The following MACROD2 variants were observed in gnomAD, a reference collection of about 807,000 sequenced individuals.
The protein encoded by MACROD2 is mono-ADP ribosylhydrolase 2.
In MACROD2, 36 loss-of-function variants were observed where a neutral mutation model predicts 70.4. The ratio of observed to expected loss-of-function variants is 0.51; its 90% CI spans 0.39 to 0.68. The LOEUF (loss-of-function observed/expected upper bound fraction) is 0.68, where lower values mean the gene tolerates loss of function less well. MACROD2 is among the 30% of genes least tolerant of loss of function. The pLI is 0.00. For missense variants in MACROD2, 496 were observed against 538.4 expected (o/e 0.92, Z 0.78); for synonymous variants, 172 against 178.8 (o/e 0.96, Z 0.30).
chr20:14,587,013 A>G (rs911130828), intron 4 of MACROD2, among the ~76,000 whole-genome samples: 1 of 151,872 alleles, frequency 6.6e-6, no homozygotes, highest in Non-Finnish European at 1.5e-5. Flanking sequence ...AGTGTATTTT[A>G]TAATTTAATT....
intron 5 of MACROD2, among the ~76,000 whole-genome samples, chr20:14,949,775 G>A (rs1333521915): frequency 6.6e-6 from 1 of 152,148 alleles, no homozygotes; most frequent in Non-Finnish European, 1.5e-5. Flanking sequence ...GCACAAGACT[G>A]ATATAATGGG....
At chr20:15,604,172 G>C (rs2048862039) in intron 8 of MACROD2, among the ~76,000 whole-genome samples, 1 of 152,120 alleles carries the variant, frequency 6.6e-6, no homozygotes, top group African/African-American at 2.4e-5. Context: ...TATAGAAAGG[G>C]GAAATGGCCC....
chr20:14,502,640 TA>T (rs1202639947), intron 4 of MACROD2, among the ~76,000 whole-genome samples: 1 of 152,198 alleles, frequency 6.6e-6, no homozygotes, highest in Non-Finnish European at 1.5e-5. Flanking sequence ...TCATTATTAT[TA>T]ATATTATAGT....
intron 5 of MACROD2, among the ~76,000 whole-genome samples, chr20:14,841,083 T>C (rs915312217): frequency 6.6e-6 from 1 of 152,166 alleles, no homozygotes; most frequent in Admixed American, 6.5e-5. Context: ...TTTTTATTGC[T>C]TACACTCTAA....
intron 3 of MACROD2, among the ~76,000 whole-genome samples, chr20:14,144,428 T>C (rs886772422): frequency 1.3e-5 from 2 of 152,164 alleles, no homozygotes; most frequent in African/African-American, 4.8e-5. Flanking sequence ...CATAACCTGT[T>C]TCTGTTCATT....
intron 12 of MACROD2, among the ~76,000 whole-genome samples, chr20:15,938,633 A>T (rs1197869235): frequency 1.3e-5 from 2 of 152,116 alleles, no homozygotes; most frequent in Non-Finnish European, 2.9e-5. Context: ...AAACACAACA[A>T]TATTGAAATT....
At chr20:15,427,983 C>G (rs751297111) in intron 6 of MACROD2, among the ~76,000 whole-genome samples, 25 of 152,296 alleles carry the variant, frequency 1.6e-4, no homozygotes, top group Non-Finnish European at 1.0e-4. Context: ...CCACAATGCA[C>G]ATAGCCTCCA....
At chr20:16,009,159 G>C (rs1165351936) in intron 15 of MACROD2, among the ~76,000 whole-genome samples, 1 of 151,948 alleles carries the variant, frequency 6.6e-6, no homozygotes, top group Admixed American at 6.6e-5. Context: ...AAATGAACCT[G>C]CTAACTTAGG....
At chr20:14,107,019 C>T (rs1460682204) in intron 3 of MACROD2, among the ~76,000 whole-genome samples, 4 of 152,052 alleles carry the variant, frequency 2.6e-5, no homozygotes, top group Admixed American at 6.5e-5. Context: ...CAAGAGCATC[C>T]AGGAAAAAAT....
At chr20:14,595,392 C>A (rs1032031708) in intron 4 of MACROD2, among the ~76,000 whole-genome samples, 1 of 152,172 alleles carries the variant, frequency 6.6e-6, no homozygotes, top group South Asian at 2.1e-4. Flanking sequence ...AGAAGAGGGG[C>A]CAGCCTCGTC....
intron 6 of MACROD2, among the ~76,000 whole-genome samples, chr20:15,376,324 G>C (rs748120090): frequency 1.5e-4 from 23 of 152,134 alleles, no homozygotes; most frequent in Non-Finnish European, 8.8e-5. Flanking sequence ...GTTGGATACA[G>C]AGAGAACTTG....
At chr20:15,776,152 G>C (rs1427973124) in intron 8 of MACROD2, among the ~76,000 whole-genome samples, 1 of 152,104 alleles carries the variant, frequency 6.6e-6, no homozygotes, top group Non-Finnish European at 1.5e-5. Flanking sequence ...TGGAAGACTA[G>C]GACACACATG....
chr20:14,370,885 A>G (rs913206806), intron 3 of MACROD2, among the ~76,000 whole-genome samples: 20 of 152,210 alleles, frequency 1.3e-4, no homozygotes, highest in Admixed American at 1.3e-4. Context: ...TTAAAACATT[A>G]TAGTGTAAAT....
At chr20:14,855,051 A>G (rs1254597561) in intron 5 of MACROD2, among the ~76,000 whole-genome samples, 1 of 152,188 alleles carries the variant, frequency 6.6e-6, no homozygotes, top group African/African-American at 2.4e-5. Context: ...AAAATTAAGT[A>G]TAAAGTGGTT....
At chr20:14,779,858 T>A (rs1231387567) in intron 5 of MACROD2, among the ~76,000 whole-genome samples, 1 of 152,172 alleles carries the variant, frequency 6.6e-6, no homozygotes, top group African/African-American at 2.4e-5. Context: ...TGCATTTAGC[T>A]TTATTGCTTA....
chr20:15,223,059 G>A (rs1229897777), intron 5 of MACROD2, among the ~76,000 whole-genome samples: 1 of 152,156 alleles, frequency 6.6e-6, no homozygotes, highest in African/African-American at 2.4e-5. Flanking sequence ...GTGGGGGAGT[G>A]CAAAGTGGTG....
At chr20:14,554,025 T>G (rs925801159) in intron 4 of MACROD2, among the ~76,000 whole-genome samples, 6 of 152,160 alleles carry the variant, frequency 3.9e-5, no homozygotes, top group African/African-American at 1.4e-4. Flanking sequence ...CCAGGTCTTC[T>G]ACAGCTGTTT....
intron 8 of MACROD2, among the ~76,000 whole-genome samples, chr20:15,727,485 G>C (rs1164149690): frequency 6.6e-6 from 1 of 152,036 alleles, no homozygotes; most frequent in Non-Finnish European, 1.5e-5. Context: ...AATATCATTG[G>C]TAGTTTGATA....
At chr20:15,157,701 A>G (rs6043114) in intron 5 of MACROD2, among the ~76,000 whole-genome samples, 3,555 of 152,188 alleles carry the variant, frequency 0.023, 144 homozygotes, top group African/African-American at 0.082. Flanking sequence ...TATGAATTGT[A>G]TCACCTGGGC....
Sources: gnomAD v4.1 joint callset for allele counts (sites outside exome capture counted in the v4.1 genomes callset) on GRCh38, gnomAD v4.1.1 for gene constraint, MANE v1.5 for transcripts, NCBI Gene and HGNC (gene_info 2026-07-23, HGNC 2026-07-21) for gene names.